The following MRPS6 variants were observed in gnomAD, a reference collection of about 807,000 sequenced individuals.
MRPS6 encodes small ribosomal subunit protein bS6m.
Under a neutral mutation model 13.1 loss-of-function variants are expected in MRPS6, and 6 were observed. That is an observed-to-expected ratio of 0.46 (90% CI 0.25 to 0.91). MRPS6 has a LOEUF of 0.91. MRPS6 is among the 40% of genes least tolerant of loss of function. MRPS6 has a pLI of 0.18. For synonymous variants in MRPS6, 61 were observed against 56.5 expected (o/e 1.08, Z -0.36); for missense variants, 164 against 155.6 (o/e 1.05, Z -0.29).
At chr21:34,117,800 T>C (rs1402865327) in intron 1 of MRPS6, among the ~76,000 whole-genome samples, 4 of 152,158 alleles carry the variant, frequency 2.6e-5, no homozygotes, top group Admixed American at 1.3e-4. Flanking sequence ...CTCCTGTGTA[T>C]GTATGTATCT....
intron 1 of MRPS6, chr21:34,106,059 A>G (rs1979463691): frequency 3.0e-6 from 3 of 998,294 alleles, no homozygotes; most frequent in Middle Eastern, 5.2e-4. Context: ...GACTCTGTAA[A>G]ATACACTGTT....
intron 1 of MRPS6, among the ~76,000 whole-genome samples, chr21:34,090,845 A>G (rs973283295): frequency 1.3e-5 from 2 of 152,196 alleles, no homozygotes; most frequent in African/African-American, 4.8e-5. Flanking sequence ...CATGGAACCC[A>G]GCCCTTAAAA....
At chr21:34,137,536 T>A (rs1450719455) in intron 2 of MRPS6, among the ~76,000 whole-genome samples, 1 of 152,260 alleles carries the variant, frequency 6.6e-6, no homozygotes, top group Non-Finnish European at 1.5e-5. Context: ...TCATGTCATA[T>A]GCAAATAAGA....
At chr21:34,100,488 G>T (rs903017893) in intron 1 of MRPS6, 6 of 999,958 alleles carry the variant, frequency 6.0e-6, no homozygotes, top group Non-Finnish European at 7.2e-6. Context: ...TGTGTCCTTC[G>T]GCCTAAATTC....
chr21:34,105,128 A>G lies in MRPS6; in HGVS notation c.46-20213A>G, dbSNP rs571980174. 86 of 1,000,126 alleles carry G rather than the reference A, an allele frequency of 8.6e-5. No individual in the cohort carries two copies. In the Admixed American group the frequency reaches 1.4e-3, roughly 16 times the overall value. The allele number at this position is 1,000,126 out of a possible 1,614,324, so 62.0% of individuals were successfully genotyped here. A position where few individuals can be genotyped will look rare whatever the true frequency, so the allele number is the denominator to read the frequency against. The stretch of plus-strand genomic sequence containing the variant: ...TGCCATACTCCATTAGTGTCAGATG[A>G]TGGTATGGAATTTGTTCCCTTGCTT... On this transcript the variant is annotated intron_variant, in intron 1 of 2. Coordinates refer to ENST00000399312, the MANE Select transcript of MRPS6 (RefSeq NM_032476.4).
chr21:34,106,051 C>T (rs560478317), intron 1 of MRPS6: 2 of 997,090 alleles, frequency 2.0e-6, no homozygotes, highest in South Asian at 4.7e-5. Flanking sequence ...TCATTACTGA[C>T]TCTGTAAAAT....
intron 2 of MRPS6, among the ~76,000 whole-genome samples, chr21:34,126,370 G>C (rs1980305035): frequency 1.3e-5 from 2 of 152,238 alleles, no homozygotes; most frequent in South Asian, 4.1e-4. Flanking sequence ...GATAGGGCCT[G>C]AGTGGAGTCG....
intron 1 of MRPS6, among the ~76,000 whole-genome samples, chr21:34,081,219 G>T (rs1329938304): frequency 6.6e-6 from 1 of 152,024 alleles, no homozygotes; most frequent in Non-Finnish European, 1.5e-5. Context: ...GGAAATTGTA[G>T]ATAATGCCAT....
chr21:34,141,386 A>G (rs1980902242), intron 2 of MRPS6, among the ~76,000 whole-genome samples: 1 of 152,156 alleles, frequency 6.6e-6, no homozygotes, highest in African/African-American at 2.4e-5. Context: ...GAGAGTGGGC[A>G]CAGAAGGTCT....
chr21:34,100,272 G>GA, intron 1 of MRPS6: 2 of 1,000,116 alleles, frequency 2.0e-6, no homozygotes, highest in Non-Finnish European at 2.4e-6. Context: ...GATCTGATGA[G>GA]AAGGGCATAT....
chr21:34,103,252 G>C, intron 1 of MRPS6: 2 of 996,972 alleles, frequency 2.0e-6, no homozygotes, highest in South Asian at 9.4e-5. Flanking sequence ...GCACCTTTCC[G>C]TTCTTAACAG....
chr21:34,092,264 A>G lies in MRPS6; in HGVS notation c.45+18519A>G, dbSNP rs556033885. Among the ~76,000 whole-genome samples the G allele has an allele frequency of 4.6e-5, 7 of 152,314 alleles. No homozygotes were observed. In the East Asian group the frequency reaches 1.3e-3, roughly 29 times the overall value. On this transcript the variant is annotated intron_variant, in intron 1 of 2. Transcript: ENST00000399312. ...TGCATTGCATTATAGTATTTTATAT[A>G]TTTCTACAAACCAAATTGACCTGTT... is the stretch of plus-strand genomic sequence containing the variant.
At chr21:34,091,326 TC>T (rs1978677182) in intron 1 of MRPS6, among the ~76,000 whole-genome samples, 1 of 152,218 alleles carries the variant, frequency 6.6e-6, no homozygotes, top group African/African-American at 2.4e-5. Flanking sequence ...TTTTTCTTGT[TC>T]CTTGTTTGGT....
At chr21:34,106,103 G>A in intron 1 of MRPS6, 1 of 998,340 alleles carries the variant, frequency 1.0e-6, no homozygotes, top group Non-Finnish European at 1.2e-6. Context: ...GCCAGCTGCT[G>A]CATTAGCCTT....
intron 1 of MRPS6, among the ~76,000 whole-genome samples, chr21:34,085,982 C>T (rs1402929218): frequency 1.3e-5 from 2 of 152,212 alleles, no homozygotes; most frequent in Non-Finnish European, 2.9e-5. Context: ...TGTTCAAATT[C>T]CCTGAATTGT....
At chr21:34,079,016 A>G (rs188146873) in intron 1 of MRPS6, among the ~76,000 whole-genome samples, 1 of 152,366 alleles carries the variant, frequency 6.6e-6, no homozygotes, top group African/African-American at 2.4e-5. Context: ...ATTTGTCTAA[A>G]GGAAGAACTA....
At chr21:34,094,386 A>G (rs1037627891) in intron 1 of MRPS6, among the ~76,000 whole-genome samples, 49 of 152,252 alleles carry the variant, frequency 3.2e-4, no homozygotes, top group African/African-American at 1.1e-3. Flanking sequence ...TCTAGTAAAC[A>G]CCACCTGCCT....
chr21:34,122,770 T>C (rs1343165005), intron 1 of MRPS6: 1 of 152,132 alleles, frequency 6.6e-6, no homozygotes, highest in East Asian at 1.9e-4. Flanking sequence ...GGATGGGCTG[T>C]TCCTTTACCT....
intron 1 of MRPS6, chr21:34,122,152 T>C (rs768367254): frequency 6.6e-6 from 1 of 152,256 alleles, no homozygotes; most frequent in Non-Finnish European, 1.5e-5. Flanking sequence ...TAGTTTAGGC[T>C]CTGGGGCCAT....
Sources: allele counts gnomAD v4.1 joint callset (sites outside exome capture counted in the v4.1 genomes callset), GRCh38; gene constraint gnomAD v4.1.1; transcripts MANE v1.5; gene names NCBI Gene and HGNC (gene_info 2026-07-23, HGNC 2026-07-21).